Variants in WIZ observed in about 807,000 individuals in gnomAD.
The protein encoded by WIZ is WIZ zinc finger.
A neutral mutation model predicts 140.2 loss-of-function variants in WIZ; 25 were observed. That is an observed-to-expected ratio of 0.18 (90% CI 0.13 to 0.25). The LOEUF (loss-of-function observed/expected upper bound fraction) is 0.25, where lower values mean the gene tolerates loss of function less well. WIZ is among the 10% of genes least tolerant of loss of function. The probability of loss-of-function intolerance (pLI) is 1.00; values close to 1 mark genes in which losing one functional copy is unlikely to be tolerated. For missense variants in WIZ, 2,231 were observed against 2,632.6 expected, an observed-to-expected ratio of 0.85 and a Z score of 3.34; for synonymous variants, 1,125 against 1,154.3, an observed-to-expected ratio of 0.97 and a Z score of 0.51.
At position 15,424,760 on chromosome 19, in the gene WIZ, G is replaced by A. The variant is rs1487768193; in HGVS notation, c.5167C>T (p.Pro1723Ser). The A allele has an allele frequency of 5.1e-6, 8 of 1,575,962 alleles. No individual in the cohort carries two copies. The highest frequency in any genetic ancestry group is 6.9e-6 in the Non-Finnish European group (8 of 1,163,670). ...SDKRPSLGLAPGGLAVVGRSA... is the reference protein window; with the variant it reads ...SDKRPSLGLASGGLAVVGRSA... ...CGGCCGACCACGGCCAGGCCCCCGGGTGCCAGCCCCAGGGACGGCCGCTTG... is the reference window on the plus strand; with the variant it reads ...CGGCCGACCACGGCCAGGCCCCCGGATGCCAGCCCCAGGGACGGCCGCTTG... The change falls in exon 11 of 13, where the codon CCC (proline) becomes TCC (serine). Residue 1723 changes from proline to serine, a missense_variant. This residue lies in a region of WIZ where 299 missense variants were observed against 309.6 expected (regional missense o/e 0.97). Transcript: ENST00000673675. This position sits in a 1 kb window ranked among gnomAD's most constrained non-coding sequence, Gnocchi z 9.7.
At position 15,448,380 on chromosome 19, in the gene WIZ, A is replaced by G; in HGVS notation, c.-60-13T>C. 6.4e-7 allele frequency: 1 copy of G among 1,567,116 alleles called. No individual in the cohort carries two copies. Among genetic ancestry groups the G allele is most frequent in the Non-Finnish European group, 8.7e-7 (1 of 1,155,574 alleles). On this transcript the variant is annotated splice_polypyrimidine_tract_variant and intron_variant, in intron 1 of 12. Coordinates refer to ENST00000673675, the MANE Select transcript of WIZ (RefSeq NM_001371589.1). ...GGGCATTGTGGGCCTGGGGATAGAGAGAAGGAAGTGCTTAGGGGATGGAGG... is the reference window on the plus strand; with the variant it reads ...GGGCATTGTGGGCCTGGGGATAGAGGGAAGGAAGTGCTTAGGGGATGGAGG...
intron 9 of WIZ, 42 bp downstream of exon 9, chr19:15,426,940 C>T (rs1968861614): frequency 1.3e-6 from 2 of 1,563,466 alleles, no homozygotes; most frequent in Non-Finnish European, 1.7e-6. Context: ...GGAGGAGACC[C>T]CTCCAACTGT....
At chr19:15,438,549 C>T in intron 4 of WIZ, 29 bp downstream of exon 4, 1 of 1,474,770 alleles carries the variant, frequency 6.8e-7, no homozygotes, top group South Asian at 1.3e-5. Flanking sequence ...CATGTGTCTC[C>T]TGGGCCTTTA....
Position 15,440,732 on chromosome 19 carries a change from A to G in WIZ, c.279-17T>C. 4 of 1,473,282 alleles carry G rather than the reference A, an allele frequency of 2.7e-6. No homozygotes were observed. The highest frequency in any genetic ancestry group is 3.6e-6 in the Non-Finnish European group (4 of 1,114,172). 91.3% of individuals were successfully genotyped at this position (1,473,282 alleles called of 1,614,324 possible). A position where few individuals can be genotyped will look rare whatever the true frequency, so the allele number is the denominator to read the frequency against. On this transcript the variant is annotated splice_polypyrimidine_tract_variant and intron_variant, in intron 3 of 12. Transcript: ENST00000673675. This position sits in a 1 kb window ranked among gnomAD's most constrained non-coding sequence, Gnocchi z 6.2. The stretch of plus-strand genomic sequence containing the variant: ...TCCCAGCAGCTGCAAGGAAGTGCCA[A>G]TGGGGACAGGTTAGCCATGGGCTGC...
In WIZ at chr19:15,439,792, A is replaced by G. The variant is rs1433998777; in HGVS notation, c.1202T>C (p.Leu401Pro). The stretch of plus-strand genomic sequence containing the variant: ...GCCAAAGACACACTTAGGGCACTGC[A>G]GCCGTGCCTCCCGGCCCTCGTCTCC... ...VPGDEGREAR[L>P]QCPKCVFGTN... The change falls in exon 4 of 13, where the codon CTG becomes CCG. Residue 401 changes from leucine (L) to proline (P), a missense_variant. Leu to Pro is a moderately conservative substitution (Grantham distance 98, BLOSUM62 -3). Around this residue, in one of 15 missense-constraint regions of WIZ, gnomAD observed 475 missense variants for 520.2 expected, o/e 0.91. Coordinates refer to ENST00000673675, the MANE Select transcript of WIZ (RefSeq NM_001371589.1). This position sits in a 1 kb window ranked among gnomAD's most constrained non-coding sequence, Gnocchi z 7.0. The G allele has an allele frequency of 1.3e-6, 2 of 1,510,562 alleles. No homozygotes were observed. Among genetic ancestry groups the G allele is most frequent in the East Asian group, 2.5e-5 (1 of 40,750 alleles). The allele number at this position is 1,510,562 out of a possible 1,614,324, so 93.6% of individuals were successfully genotyped here.
At chr19:15,435,330 G>A (rs181662711) in intron 5 of WIZ, among the ~76,000 whole-genome samples, 339 of 152,260 alleles carry the variant, frequency 2.2e-3, no homozygotes, top group African/African-American at 7.4e-3. Flanking sequence ...GGGGCCAGGC[G>A]TGATGGCTCA....
Position 15,428,318 on chromosome 19 carries a change from G to A in WIZ, c.3606C>T (p.Leu1202=). 6.5e-7 allele frequency: 1 copy of A among 1,533,942 alleles called. No individual in the cohort carries two copies. The highest frequency in any genetic ancestry group is 8.7e-7 in the Non-Finnish European group (1 of 1,146,078). Residue 1202 remains leucine, a synonymous_variant, in exon 8 of 13, where the codon CTC becomes CTT. Coordinates refer to ENST00000673675, the MANE Select transcript of WIZ (RefSeq NM_001371589.1). This position sits in a 1 kb window ranked among gnomAD's most constrained non-coding sequence, Gnocchi z 6.4. ...GGGCCAGGGCGCCGCGCCTGGGTGG[G>A]AGGCGGATCTGGACGCCGTCCCTCC... is the stretch of plus-strand genomic sequence containing the variant. ...LIRRDGVQIR[L]PPRRGALAHP... is the part of the protein sequence containing the mutation.
At position 15,425,502 on chromosome 19, in the gene WIZ, C is replaced by G. The variant is rs372587052; in HGVS notation, c.4633G>C (p.Val1545Leu). 17 of 1,609,978 alleles carry G rather than the reference C, an allele frequency of 1.1e-5. No individual in the cohort carries two copies. The highest frequency in any genetic ancestry group is 1.7e-4 in the Middle Eastern group (1 of 6,008). ...GGCGACAGCGGCAGTGGGGACTGCACGGGCCCAGGGGCCACGGTGGGAGGC... is the reference window on the plus strand; with the variant it reads ...GGCGACAGCGGCAGTGGGGACTGCAGGGGCCCAGGGGCCACGGTGGGAGGC... The part of the protein sequence containing the change: ...DGPPTVAPGP[V>L]QSPLPLSPLA... The change falls in exon 10 of 13, where the codon GTG becomes CTG. Residue 1545 changes from valine (V) to leucine (L), a missense_variant. Val to Leu is a conservative substitution (Grantham distance 32, BLOSUM62 1). Transcript: ENST00000673675.
intron 5 of WIZ, among the ~76,000 whole-genome samples, chr19:15,435,880 T>C (rs1304087438): frequency 6.6e-6 from 1 of 152,070 alleles, no homozygotes; most frequent in Non-Finnish European, 1.5e-5. Context: ...CCCAGCTCTT[T>C]GGGGGCCTGA....
At position 15,424,801 on chromosome 19, in the gene WIZ, T is replaced by C. The variant is rs1968623522; in HGVS notation, c.5126A>G (p.His1709Arg). 3 of 1,604,448 alleles carry C rather than the reference T, an allele frequency of 1.9e-6. No individual in the cohort carries two copies. The highest frequency in any genetic ancestry group is 2.5e-6 in the Non-Finnish European group (3 of 1,176,654). ...PFTKKFRSAGHGRDSDKRPSL... is the reference protein window; with the variant it reads ...PFTKKFRSAGRGRDSDKRPSL... ...CGGCCGCTTGTCACTGTCACGGCCA[T>C]GGCCGGCACTGCGGAACTTCTTGGT... The change falls in exon 11 of 13, where the codon CAT becomes CGT. Residue 1709 changes from histidine (H) to arginine (R), a missense_variant. His to Arg is a conservative substitution (Grantham distance 29). This residue lies in a region of WIZ where 299 missense variants were observed against 309.6 expected (regional missense o/e 0.97). Coordinates refer to ENST00000673675, the MANE Select transcript of WIZ (RefSeq NM_001371589.1). The surrounding 1 kb of genome is among the most constrained non-coding windows in gnomAD (Gnocchi z 9.7).
Position 15,427,684 on chromosome 19 carries a change from G to C in WIZ, c.3815-151C>G. 1 of 873,100 alleles carries C rather than the reference G, an allele frequency of 1.1e-6. No homozygotes were observed. 54.1% of individuals were successfully genotyped at this position (873,100 alleles called of 1,614,324 possible). On this transcript the variant is annotated intron_variant, in intron 8 of 12. Transcript: ENST00000673675. The surrounding 1 kb of genome is among the most constrained non-coding windows in gnomAD (Gnocchi z 6.4). ...GGTGCAGGTAAGGGAGTGGAGGAGCGGGGCTGGGGGCCAGATACCCGGCAG... is the reference window on the plus strand; with the variant it reads ...GGTGCAGGTAAGGGAGTGGAGGAGCCGGGCTGGGGGCCAGATACCCGGCAG...
rs1423524083 is a variant in WIZ at position 15,436,834 on chromosome 19, A to G, written c.2712T>C (p.Ala904=). Reference sequence around the variant, plus strand: ...CTCCATAGGCTGGCCCAGGGTCCTCAGCCCAGGTGGGTGGAAAGGGCACCG... The same window carrying G: ...CTCCATAGGCTGGCCCAGGGTCCTCGGCCCAGGTGGGTGGAAAGGGCACCG... The part of the protein sequence containing the change: ...PLTVPFPPTW[A]EDPGPAYGDG... Residue 904 remains alanine, a synonymous_variant, in exon 5 of 13, where the codon GCT becomes GCC. Coordinates refer to ENST00000673675, the MANE Select transcript of WIZ (RefSeq NM_001371589.1). The G allele has an allele frequency of 6.2e-7, 1 of 1,604,086 alleles. No homozygotes were observed.
intron 9 of WIZ, 48 bp from the exon 10 acceptor site, chr19:15,425,816 GGGA>G (rs1288829351): frequency 3.9e-5 from 1 of 25,370 alleles, no homozygotes; most frequent in Non-Finnish European, 5.7e-5. Flanking sequence ...AGGAGGAGGA[GGGA>G]GGAGGAGGGA....
At chr19:15,425,909 G>A (rs1238056995) in intron 9 of WIZ, 141 bp from the exon 10 acceptor site, 5 of 596,488 alleles carry the variant, frequency 8.4e-6, no homozygotes, top group African/African-American at 4.3e-5. Context: ...GGAGGAGGAG[G>A]AGGAGAAGGA....
At position 15,442,771 on chromosome 19, in the gene WIZ, T is replaced by A; in HGVS notation, c.206-23A>T. On this transcript the variant is annotated intron_variant, in intron 2 of 12. Coordinates refer to ENST00000673675, the MANE Select transcript of WIZ (RefSeq NM_001371589.1). This position sits in a 1 kb window ranked among gnomAD's most constrained non-coding sequence, Gnocchi z 5.5. ...CGTCTGCAACAGAGAGGGGAGACCC[T>A]GAGGGGCTGGGGTCCCCCTGGCCGG... The A allele has an allele frequency of 1.6e-6, 2 of 1,229,916 alleles. No individual in the cohort carries two copies. Among genetic ancestry groups the A allele is most frequent in the Non-Finnish European group, 2.0e-6 (2 of 986,150 alleles). 76.2% of individuals were successfully genotyped at this position (1,229,916 alleles called of 1,614,324 possible). A position where few individuals can be genotyped will look rare whatever the true frequency, so the allele number is the denominator to read the frequency against.
rs779477343 is a variant in WIZ, at chr19:15,424,855, C to A, written c.5072G>T (p.Arg1691Leu). The change falls in exon 11 of 13, where the codon CGC becomes CTC. Residue 1691 changes from arginine (R) to leucine (L), a missense_variant. Around this residue, in one of 15 missense-constraint regions of WIZ, gnomAD observed 299 missense variants for 309.6 expected, o/e 0.97. Transcript: ENST00000673675. This position sits in a 1 kb window ranked among gnomAD's most constrained non-coding sequence, Gnocchi z 9.7. ...KHRPQKVGAYRSYIQGGRPFT... is the reference protein window; with the variant it reads ...KHRPQKVGAYLSYIQGGRPFT... Reference sequence around the variant, plus strand: ...GGGGCGGCCGCCCTGGATGTAGCTGCGGTAGGCGCCCACCTTCTGGGGCCG... The same window carrying A: ...GGGGCGGCCGCCCTGGATGTAGCTGAGGTAGGCGCCCACCTTCTGGGGCCG... 1 of 1,610,894 alleles carries A rather than the reference C, an allele frequency of 6.2e-7. No homozygotes were observed. Among genetic ancestry groups the A allele is most frequent in the Admixed American group, 1.7e-5 (1 of 59,828 alleles).
rs1969036214 is a variant in WIZ, at chr19:15,428,905, G to A, written c.3416-397C>T. On this transcript the variant is annotated intron_variant, in intron 7 of 12. Coordinates refer to ENST00000673675, the MANE Select transcript of WIZ (RefSeq NM_001371589.1). This position sits in a 1 kb window ranked among gnomAD's most constrained non-coding sequence, Gnocchi z 6.4. ...CAGACTCAGTGGAAGCAACTTCAAG[G>A]GAACATAAGGTGCCAAATGGGGGGC... Among the ~76,000 whole-genome samples the A allele has an allele frequency of 6.6e-6, 1 of 152,170 alleles. No individual in the cohort carries two copies. Among genetic ancestry groups the A allele is most frequent in the African/African-American group, 2.4e-5 (1 of 41,426 alleles).
At position 15,422,864 on chromosome 19, in the gene WIZ, C is replaced by G; in HGVS notation, c.*212G>C. ...GGTGGGCATGGGCTGAAGGAAGACACCCTGTGGCCCCAGAGTCCTCGGGCT... is the reference window on the plus strand; with the variant it reads ...GGTGGGCATGGGCTGAAGGAAGACAGCCTGTGGCCCCAGAGTCCTCGGGCT... On this transcript the variant is annotated 3_prime_UTR_variant, in exon 13 of 13. Transcript: ENST00000673675. The G allele has an allele frequency of 1.5e-6, 1 of 661,752 alleles. No homozygotes were observed. Among genetic ancestry groups the G allele is most frequent in the East Asian group, 2.9e-5 (1 of 34,970 alleles). The allele number at this position is 661,752 out of a possible 1,614,324, so 41.0% of individuals were successfully genotyped here.
rs185105306 is a variant in WIZ at position 15,439,009 on chromosome 19, C to T, written c.1985G>A (p.Arg662Gln). 35 of 1,491,938 alleles carry T rather than the reference C, an allele frequency of 2.3e-5. No homozygotes were observed. Among genetic ancestry groups the T allele is most frequent in the African/African-American group, 2.1e-4 (15 of 71,650 alleles). 92.4% of individuals were successfully genotyped at this position (1,491,938 alleles called of 1,614,324 possible). ...GGCCTCTACTGCCTGCAGGGCCTCT[C>T]GGAATGCCTGCTTCAGCTCCAGGGC... The part of the protein sequence containing the change: ...QAALELKQAF[R>Q]EALQAVEATQ... The change falls in exon 4 of 13, where the codon CGA becomes CAA. Residue 662 changes from arginine (R) to glutamine (Q), a missense_variant. Around this residue, in one of 15 missense-constraint regions of WIZ, gnomAD observed 475 missense variants for 520.2 expected, o/e 0.91. Transcript: ENST00000673675. This position sits in a 1 kb window ranked among gnomAD's most constrained non-coding sequence, Gnocchi z 7.0.
Sources: allele counts gnomAD v4.1 joint callset (sites outside exome capture counted in the v4.1 genomes callset), GRCh38; gene constraint gnomAD v4.1.1; regional missense constraint gnomAD v4.1.1; non-coding constraint Gnocchi (gnomAD v3.1); transcripts MANE v1.5; gene names NCBI Gene and HGNC (gene_info 2026-07-23, HGNC 2026-07-21).